Variants in P2RY12 observed in about 807,000 individuals in gnomAD.
P2RY12 encodes purinergic receptor P2Y12, also known as P2Y purinoceptor 12.
P2RY12 carries 3 observed loss-of-function variants against 4.5 expected under a neutral mutation model. The ratio of observed to expected loss-of-function variants is 0.67; its 90% CI spans 0.31 to 1.74. The LOEUF (loss-of-function observed/expected upper bound fraction) is 1.74. P2RY12 is among the 40% of genes most tolerant of loss of function. P2RY12 has a pLI of 0.09. For synonymous variants in P2RY12, 148 were observed against 154.1 expected, an observed-to-expected ratio of 0.96 and a Z score of 0.29; for missense variants, 356 against 407.8, an observed-to-expected ratio of 0.87 and a Z score of 1.09.
At chr3:151,364,136 A>G (rs900184862) in intron 1 of P2RY12, among the ~76,000 whole-genome samples, 1 of 152,182 alleles carries the variant, frequency 6.6e-6, no homozygotes, top group Non-Finnish European at 1.5e-5. Flanking sequence ...TGGATATGCT[A>G]CCTACAGAAG....
intron 1 of P2RY12, among the ~76,000 whole-genome samples, chr3:151,368,636 TTTCATTTCATTTCATTTCATTTCATTTC>T (rs1755659426): frequency 6.3e-5 from 4 of 63,072 alleles, no homozygotes; most frequent in African/African-American, 2.8e-4. Flanking sequence ...TTTTATTTCA[TTTCATTTCATTTCATTTCATTTCATTTC>T]ATTTCATTTC....
intron 1 of P2RY12, among the ~76,000 whole-genome samples, chr3:151,343,543 T>G (rs1410266095): frequency 6.6e-6 from 1 of 152,208 alleles, no homozygotes; most frequent in African/African-American, 2.4e-5. Flanking sequence ...AAGTGAAAAG[T>G]ATCTCAGTTA....
At chr3:151,377,889 A>C in intron 1 of P2RY12, 1 of 933,078 alleles carries the variant, frequency 1.1e-6, no homozygotes, top group Non-Finnish European at 1.5e-6. Flanking sequence ...CAGAAATAAA[A>C]GGGAAATTTT....
At position 151,384,266 on chromosome 3, in the gene P2RY12, T is replaced by G. The variant is rs1291502615; in HGVS notation, c.-180+426A>C. The G allele has an allele frequency of 4.6e-6, 7 of 1,530,850 alleles. No homozygotes were observed. In the Admixed American group the frequency reaches 1.5e-4, roughly 33 times the overall value. 94.8% of individuals were successfully genotyped at this position (1,530,850 alleles called of 1,614,324 possible). Reference sequence around the variant, plus strand: ...TTATGAGCTCAAGTTGTTTATGGATTTATTATCTAGTGCATTTTAATTTAT... The same window carrying G: ...TTATGAGCTCAAGTTGTTTATGGATGTATTATCTAGTGCATTTTAATTTAT... On this transcript the variant is annotated intron_variant, in intron 1 of 2. Coordinates refer to ENST00000302632, the MANE Select transcript of P2RY12 (RefSeq NM_022788.5).
chr3:151,368,062 A>G, intron 1 of P2RY12: 2 of 1,059,414 alleles, frequency 1.9e-6, no homozygotes, highest in African/African-American at 3.2e-5. Context: ...TTAAATAATT[A>G]TTCCAGGAAA....
At chr3:151,343,060 A>G (rs570869140) in intron 1 of P2RY12, among the ~76,000 whole-genome samples, 10 of 152,128 alleles carry the variant, frequency 6.6e-5, no homozygotes, top group African/African-American at 2.4e-4. Context: ...ATCTTTCCCT[A>G]TCACACCCTC....
At chr3:151,375,753 C>G (rs1345131888) in intron 1 of P2RY12, among the ~76,000 whole-genome samples, 2 of 152,042 alleles carry the variant, frequency 1.3e-5, no homozygotes, top group Non-Finnish European at 2.9e-5. Flanking sequence ...ACCTTACTTT[C>G]CAGTTAAAAA....
intron 1 of P2RY12, among the ~76,000 whole-genome samples, chr3:151,351,562 G>GT (rs546696755): frequency 1.9e-3 from 294 of 152,264 alleles, no homozygotes; most frequent in Middle Eastern, 3.4e-3. Flanking sequence ...TTGTTTTGGT[G>GT]TTTTCTCTGT....
At chr3:151,380,430 G>C (rs9868840) in intron 1 of P2RY12, among the ~76,000 whole-genome samples, 136,574 of 152,070 alleles carry the variant, frequency 0.9, 61,473 homozygotes, top group African/African-American at 0.96. Flanking sequence ...AACCCCGTCT[G>C]TACTAAAAAT....
intron 1 of P2RY12, among the ~76,000 whole-genome samples, chr3:151,353,414 T>C (rs1176260423): frequency 6.6e-6 from 1 of 152,194 alleles, no homozygotes; most frequent in African/African-American, 2.4e-5. Context: ...ATTGAAAAAA[T>C]AAGCAGGTTT....
chr3:151,357,426 C>G (rs760274043), intron 1 of P2RY12: 82 of 1,475,936 alleles, frequency 5.6e-5, no homozygotes, highest in Admixed American at 1.8e-4. Flanking sequence ...GAATGTATAA[C>G]TAGTGATGAA....
chr3:151,347,804 A>C (rs73006582), intron 1 of P2RY12, among the ~76,000 whole-genome samples: 18,959 of 152,164 alleles, frequency 0.12, 2,009 homozygotes, highest in African/African-American at 0.29. Context: ...AAAACCTTAC[A>C]AGGAAGCGAT....
intron 1 of P2RY12, among the ~76,000 whole-genome samples, chr3:151,364,758 G>C (rs1460797167): frequency 6.6e-6 from 1 of 151,936 alleles, no homozygotes; most frequent in Non-Finnish European, 1.5e-5. Flanking sequence ...TTTCTGTTTT[G>C]TTCTTCCACC....
At position 151,338,782 on chromosome 3, in the gene P2RY12, T is replaced by C; in HGVS notation, c.64A>G (p.Lys22Glu). ...GNTSLCTRDY[K>E]ITQVLFPLLY... Reference sequence around the variant, plus strand: ...AGTGGGAAGAGGACCTGGGTGATTTTGTAGTCTCTGGTGCACAGACTGGTG... The same window carrying C: ...AGTGGGAAGAGGACCTGGGTGATTTCGTAGTCTCTGGTGCACAGACTGGTG... The change falls in exon 3 of 3, where the codon AAA (lysine) becomes GAA (glutamate). Residue 22 changes from lysine to glutamate, a missense_variant. By Grantham distance (56) the Lys-to-Glu change is moderately conservative (BLOSUM62 1). Transcript: ENST00000302632. 1 of 1,613,386 alleles carries C rather than the reference T, an allele frequency of 6.2e-7. No homozygotes were observed. The highest frequency in any genetic ancestry group is 8.5e-7 in the Non-Finnish European group (1 of 1,179,724).
At chr3:151,382,792 G>A in intron 1 of P2RY12, 1 of 1,452,042 alleles carries the variant, frequency 6.9e-7, no homozygotes, top group Admixed American at 1.8e-5. Context: ...ATATTTACAT[G>A]TGAAAATACC....
rs1299120151 is a variant in P2RY12 at position 151,380,296 on chromosome 3, C to T, written c.-180+4396G>A. 12 of 1,065,542 alleles carry T rather than the reference C, an allele frequency of 1.1e-5. No homozygotes were observed. The East Asian group carries it at 3.1e-4, about 28-fold the overall frequency. The allele number at this position is 1,065,542 out of a possible 1,614,324, so 66.0% of individuals were successfully genotyped here. On this transcript the variant is annotated intron_variant, in intron 1 of 2. Coordinates refer to ENST00000302632, the MANE Select transcript of P2RY12 (RefSeq NM_022788.5). ...CATTCATTTATTTGCCTTTCAAATA[C>T]TGAGATTAAATTAATAAGGGCCAGG...
chr3:151,354,068 G>C (rs1178659960), intron 1 of P2RY12, among the ~76,000 whole-genome samples: 1 of 147,348 alleles, frequency 6.8e-6, no homozygotes, highest in Non-Finnish European at 1.5e-5. Flanking sequence ...GTGAACCCGG[G>C]AGGCGGAGCT....
At chr3:151,366,725 G>T (rs1004217611) in intron 1 of P2RY12, among the ~76,000 whole-genome samples, 4 of 152,072 alleles carry the variant, frequency 2.6e-5, no homozygotes, top group Admixed American at 2.6e-4. Context: ...ATCAGGACTG[G>T]TTGGATAATC....
At chr3:151,364,361 T>G (rs1257572748) in intron 1 of P2RY12, among the ~76,000 whole-genome samples, 1 of 152,152 alleles carries the variant, frequency 6.6e-6, no homozygotes, top group Non-Finnish European at 1.5e-5. Flanking sequence ...CTCTGAGAAA[T>G]ACAACATGAT....
Sources: gnomAD v4.1 joint callset for allele counts (sites outside exome capture counted in the v4.1 genomes callset) on GRCh38, gnomAD v4.1.1 for gene constraint, MANE v1.5 for transcripts, NCBI Gene and HGNC (gene_info 2026-07-23, HGNC 2026-07-21) for gene names.